The following ACAD10 variants were observed in gnomAD, a reference collection of about 807,000 sequenced individuals.
ACAD10 encodes ACAD-10.
Under a neutral mutation model 116.8 loss-of-function variants are expected in ACAD10, and 112 were observed. The ratio of observed to expected loss-of-function variants is 0.96; its 90% confidence interval spans 0.82 to 1.12. ACAD10 has a LOEUF of 1.12. Ranked by LOEUF, ACAD10 falls within the 50% of genes most tolerant of loss-of-function variation. ACAD10 has a pLI of 0.00. For missense variants in ACAD10, 1,259 were observed against 1,350.2 expected (o/e 0.93, Z 1.06); for synonymous variants, 486 against 510.6 (o/e 0.95, Z 0.65).
chr12:111,738,509 G>T (rs1434910671), intron 12 of ACAD10, among the ~76,000 whole-genome samples: 1 of 150,926 alleles, frequency 6.6e-6, no homozygotes, highest in East Asian at 2.0e-4. Context: ...GCTAACAATA[G>T]GAAACTTTGG....
intron 12 of ACAD10, among the ~76,000 whole-genome samples, chr12:111,741,302 A>G (rs1889735129): frequency 1.3e-5 from 2 of 152,198 alleles, no homozygotes; most frequent in Non-Finnish European, 2.9e-5. Flanking sequence ...AATGGCTGCT[A>G]AGTCCTTATG....
At chr12:111,747,557 G>A (rs950184319) in intron 16 of ACAD10, 172 bp downstream of exon 16, 2 of 1,446,750 alleles carry the variant, frequency 1.4e-6, no homozygotes, top group Middle Eastern at 2.6e-4. Context: ...AATCCGTGGA[G>A]CACACTGTTC....
intron 12 of ACAD10, 31 bp from the exon 13 acceptor site, chr12:111,744,612 G>A: frequency 3.1e-6 from 5 of 1,590,138 alleles, no homozygotes; most frequent in Non-Finnish European, 4.3e-6. Context: ...TCGTGTGGGA[G>A]TAATCACTGT....
At chr12:111,687,736 G>A (rs111798615) in intron 1 of ACAD10, among the ~76,000 whole-genome samples, 11 of 152,334 alleles carry the variant, frequency 7.2e-5, no homozygotes, top group African/African-American at 2.6e-4. Context: ...CTGTTCTACA[G>A]AGGAGTAACC....
intron 1 of ACAD10, among the ~76,000 whole-genome samples, chr12:111,691,796 A>G (rs993608841): frequency 2.0e-5 from 3 of 151,904 alleles, no homozygotes; most frequent in African/African-American, 7.3e-5. Flanking sequence ...GGGTTTCGCC[A>G]TGTTGGCCAG....
At chr12:111,691,803 C>T (rs1301656834) in intron 1 of ACAD10, among the ~76,000 whole-genome samples, 2 of 151,968 alleles carry the variant, frequency 1.3e-5, no homozygotes, top group Non-Finnish European at 2.9e-5. Context: ...GCCATGTTGG[C>T]CAGGCTGGTT....
intron 18 of ACAD10, among the ~76,000 whole-genome samples, chr12:111,751,272 A>G (rs1018037085): frequency 2.6e-5 from 4 of 152,226 alleles, no homozygotes; most frequent in South Asian, 2.1e-4. Flanking sequence ...GTGGAAATCT[A>G]TTCCTTAACA....
chr12:111,734,218 C>A, intron 11 of ACAD10, 150 bp downstream of exon 11: 2 of 1,131,932 alleles, frequency 1.8e-6, no homozygotes, highest in Non-Finnish European at 2.5e-6. Context: ...GAATGCAGTC[C>A]TGTCACATTT....
At chr12:111,730,233 T>C (rs531670349) in intron 10 of ACAD10, among the ~76,000 whole-genome samples, 1 of 151,970 alleles carries the variant, frequency 6.6e-6, no homozygotes, top group Non-Finnish European at 1.5e-5. Flanking sequence ...CCCCACAGAG[T>C]GTGACAACCA....
At chr12:111,702,102 G>A in intron 2 of ACAD10, 60 bp from the exon 3 acceptor site, 3 of 1,537,430 alleles carry the variant, frequency 2.0e-6, no homozygotes, top group Non-Finnish European at 2.6e-6. Context: ...ATTTTCCTGA[G>A]CTCCCTAAAC....
At chr12:111,722,583 G>A (rs1889047959) in intron 8 of ACAD10, among the ~76,000 whole-genome samples, 1 of 151,660 alleles carries the variant, frequency 6.6e-6, no homozygotes, top group Admixed American at 6.6e-5. Flanking sequence ...GAGTGGTGAT[G>A]ACTCTTAACG....
intron 12 of ACAD10, among the ~76,000 whole-genome samples, chr12:111,740,357 A>G (rs1889698842): frequency 6.7e-6 from 1 of 150,118 alleles, no homozygotes; most frequent in Admixed American, 6.7e-5. Flanking sequence ...GCTACATGGG[A>G]GGCTGAGGCA....
chr12:111,712,634 A>T lies in ACAD10; in HGVS notation c.827A>T (p.Asp276Val). ...GATTCCTTGCAGAAGTACCTCAAAG[A>T]CTTACTGGGTATCCAGACCACAGGT... Reference protein sequence around the residue: ...PKDSLQKYLKDLLGIQTTGPL... With the variant: ...PKDSLQKYLKVLLGIQTTGPL... The change falls in exon 6 of 21, where the codon GAC (aspartate) becomes GTC (valine). Residue 276 changes from aspartate to valine, a missense_variant. Transcript: ENST00000313698. 6.2e-7 allele frequency: 1 copy of T among 1,614,016 alleles called. No homozygotes were observed.
intron 16 of ACAD10, chr12:111,747,653 C>CA: frequency 7.9e-7 from 1 of 1,264,712 alleles, no homozygotes; most frequent in Non-Finnish European, 1.0e-6. Flanking sequence ...CCCCAGGAAT[C>CA]TCTCCACTTC....
intron 1 of ACAD10, among the ~76,000 whole-genome samples, chr12:111,691,786 GGGTTTC>G (rs1888051745): frequency 6.6e-6 from 1 of 151,970 alleles, no homozygotes; most frequent in Non-Finnish European, 1.5e-5. Context: ...AGTAGAGATG[GGGTTTC>G]GCCATGTTGG....
chr12:111,726,803 G>A (rs559162669), intron 8 of ACAD10, among the ~76,000 whole-genome samples: 15 of 152,316 alleles, frequency 9.8e-5, no homozygotes, highest in African/African-American at 3.6e-4. Flanking sequence ...GGAGGTTGCA[G>A]TGAGCCAAGA....
chr12:111,695,211 C>T (rs1018681236), intron 2 of ACAD10, among the ~76,000 whole-genome samples: 3 of 152,214 alleles, frequency 2.0e-5, no homozygotes, highest in African/African-American at 7.2e-5. Context: ...GCATGCCAGG[C>T]ACATTTGCAT....
At position 111,744,981 on chromosome 12, in the gene ACAD10, C is replaced by G. The variant is rs772874994; in HGVS notation, c.2053C>G (p.Leu685Val). 6.8e-6 allele frequency: 11 copies of G among 1,614,138 alleles called. No individual in the cohort carries two copies. Among genetic ancestry groups the G allele is most frequent in the Non-Finnish European group, 8.5e-6 (10 of 1,180,046 alleles). The change falls in exon 13 of 21, where the codon CTG becomes GTG. Residue 685 changes from leucine to valine, a missense_variant. Physicochemically the swap from Leu to Val is conservative, Grantham distance 32 (BLOSUM62 1). Transcript: ENST00000313698. The stretch of plus-strand genomic sequence containing the variant: ...ACGTGTGTACCCTGCAGAGCCAGAG[C>G]TGCAGAGTCACCAGGCCTCAGCAGC... ...EQRVYPAEPE[L>V]QSHQASAARW... is the part of the protein sequence containing the mutation.
intron 8 of ACAD10, 151 bp downstream of exon 8, chr12:111,721,890 T>C (rs1889023338): frequency 2.0e-6 from 1 of 501,460 alleles, no homozygotes; most frequent in East Asian, 3.1e-5. Context: ...AGTTCTCAGA[T>C]ATTTAAGTTA....
Sources: gnomAD v4.1 joint callset for allele counts (sites outside exome capture counted in the v4.1 genomes callset) on GRCh38, gnomAD v4.1.1 for gene constraint, MANE v1.5 for transcripts, NCBI Gene and HGNC (gene_info 2026-07-23, HGNC 2026-07-21) for gene names.